Variants in MYO1B observed in about 807,000 individuals in gnomAD.
The protein encoded by MYO1B is unconventional myosin-Ib.
A neutral mutation model predicts 159.7 loss-of-function variants in MYO1B; 72 were observed. The observed-to-expected ratio is 0.45, with a 90% CI of 0.37 to 0.55. The LOEUF is 0.55. Among genes scored for constraint, MYO1B ranks in the 20% least tolerant of loss-of-function variants. The pLI, the probability that MYO1B is intolerant of heterozygous loss-of-function variation, is 0.00. For missense variants in MYO1B, 1,062 were observed against 1,364.8 expected, an observed-to-expected ratio of 0.78 and a Z score of 3.50; for synonymous variants, 468 against 473.8, an observed-to-expected ratio of 0.99 and a Z score of 0.16.
chr2:191,414,681 A>G lies in MYO1B; in HGVS notation c.3159+12A>G. 1.2e-6 allele frequency: 2 copies of G among 1,600,378 alleles called. No individual in the cohort carries two copies. Among genetic ancestry groups the G allele is most frequent in the Admixed American group, 3.5e-5 (2 of 56,846 alleles). On this transcript the variant is annotated intron_variant, in intron 29 of 30. Coordinates refer to ENST00000392318, the MANE Select transcript of MYO1B (RefSeq NM_001130158.3). ...TCCACCTCAAAGAGGTAAAGGTTCAACAGAAGATTTCTGTGCTTAATCTCT... is the reference window on the plus strand; with the variant it reads ...TCCACCTCAAAGAGGTAAAGGTTCAGCAGAAGATTTCTGTGCTTAATCTCT...
At chr2:191,305,168 A>T (rs1466599183) in intron 3 of MYO1B, among the ~76,000 whole-genome samples, 6 of 152,170 alleles carry the variant, frequency 3.9e-5, no homozygotes, top group Non-Finnish European at 7.4e-5. Flanking sequence ...GGGAGGTGGG[A>T]GGGGTGCTGG....
rs1273575328 is a variant in MYO1B, at chr2:191,341,526, G to A, written c.412G>A (p.Val138Ile). The part of the protein sequence containing the change: ...VCGKGAEVNQ[V>I]KEQLLQSNPV... The stretch of plus-strand genomic sequence containing the variant: ...TGGAAAAGGAGCAGAAGTTAATCAA[G>A]TTAAAGAACAGCTTTTACAGTCCAA... The change falls in exon 5 of 31, where the codon GTT becomes ATT. Residue 138 changes from valine to isoleucine, a missense_variant. Physicochemically the swap from Val to Ile is conservative, Grantham distance 29 (BLOSUM62 3). Coordinates refer to ENST00000392318, the MANE Select transcript of MYO1B (RefSeq NM_001130158.3). 1.9e-6 allele frequency: 3 copies of A among 1,613,896 alleles called. No individual in the cohort carries two copies. The highest frequency in any genetic ancestry group is 2.5e-6 in the Non-Finnish European group (3 of 1,179,962).
intron 16 of MYO1B, 110 bp from the exon 17 acceptor site, chr2:191,387,114 G>A: frequency 1.8e-6 from 2 of 1,081,240 alleles, no homozygotes; most frequent in South Asian, 1.6e-5. Context: ...GGGATTTTTT[G>A]ATGGTGAAGG....
At chr2:191,332,837 C>T (rs556975500) in intron 4 of MYO1B, among the ~76,000 whole-genome samples, 3 of 152,220 alleles carry the variant, frequency 2.0e-5, no homozygotes, top group Admixed American at 6.5e-5. Flanking sequence ...TGATTCTTTC[C>T]GAGTGCCACA....
intron 13 of MYO1B, among the ~76,000 whole-genome samples, chr2:191,373,652 G>A (rs1694516294): frequency 6.6e-6 from 1 of 152,216 alleles, no homozygotes; most frequent in South Asian, 2.1e-4. Flanking sequence ...GCTTGCGCCT[G>A]TAGTCCCAGC....
Position 191,360,642 on chromosome 2 carries a change from A to G in MYO1B, c.574A>G (p.Lys192Glu). Residue 192 changes from lysine (K) to glutamate (E), a missense_variant, in exon 8 of 31, where the codon AAA becomes GAA. Coordinates refer to ENST00000392318, the MANE Select transcript of MYO1B (RefSeq NM_001130158.3). ...GGVISNYLLE[K>E]SRVVKQPRGE... is the part of the protein sequence containing the mutation. ...ACTCTTCTCTTTAGATCTTTTAGAG[A>G]AATCTCGGGTTGTTAAACAGCCAAG... 6.2e-7 allele frequency: 1 copy of G among 1,609,562 alleles called. No homozygotes were observed. The highest frequency in any genetic ancestry group is 8.5e-7 in the Non-Finnish European group (1 of 1,176,722).
chr2:191,364,907 C>T (rs1453903416), intron 11 of MYO1B, among the ~76,000 whole-genome samples: 4 of 152,282 alleles, frequency 2.6e-5, no homozygotes, highest in South Asian at 4.1e-4. Flanking sequence ...TTGGCCCAAG[C>T]AACTGGAAAC....
chr2:191,255,311 G>A (rs557644049), intron 1 of MYO1B, among the ~76,000 whole-genome samples: 1 of 152,318 alleles, frequency 6.6e-6, no homozygotes, highest in East Asian at 1.9e-4. Flanking sequence ...TGTGGAAATG[G>A]ACACGGATAA....
chr2:191,322,776 A>G (rs1574425110), intron 3 of MYO1B, among the ~76,000 whole-genome samples: 1 of 152,292 alleles, frequency 6.6e-6, no homozygotes, highest in Non-Finnish European at 1.5e-5. Context: ...TGGGTGTTAC[A>G]GGAAAGGGGT....
At chr2:191,277,060 T>A in intron 2 of MYO1B, 30 bp downstream of exon 2, 2 of 1,598,522 alleles carry the variant, frequency 1.3e-6, no homozygotes, top group Non-Finnish European at 1.7e-6. Flanking sequence ...ATCTGTAATG[T>A]TTAGACTTTG....
chr2:191,265,723 A>T (rs897072832), intron 1 of MYO1B, among the ~76,000 whole-genome samples: 2 of 152,200 alleles, frequency 1.3e-5, no homozygotes, highest in Admixed American at 1.3e-4. Flanking sequence ...CGCATTGAAA[A>T]GTCCGTGCGT....
intron 4 of MYO1B, among the ~76,000 whole-genome samples, chr2:191,332,479 T>C (rs771327830): frequency 2.0e-5 from 3 of 152,172 alleles, no homozygotes; most frequent in Non-Finnish European, 4.4e-5. Flanking sequence ...TGGTCCATTG[T>C]TACAACCTCT....
At chr2:191,392,776 G>A (rs1695834750) in intron 19 of MYO1B, among the ~76,000 whole-genome samples, 1 of 152,078 alleles carries the variant, frequency 6.6e-6, no homozygotes, top group African/African-American at 2.4e-5. Flanking sequence ...CCTTCCATTA[G>A]TAATTTGCAT....
chr2:191,291,436 TC>T (rs1688679454), intron 2 of MYO1B, among the ~76,000 whole-genome samples: 1 of 151,548 alleles, frequency 6.6e-6, no homozygotes, highest in Admixed American at 6.5e-5. Context: ...TGTTTTCTTC[TC>T]CCTCTTCCCT....
At chr2:191,416,491 A>G in intron 30 of MYO1B, 1 of 468,476 alleles carries the variant, frequency 2.1e-6, no homozygotes, top group Non-Finnish European at 3.8e-6. Flanking sequence ...TTTGGCTAAC[A>G]AGTGTTTATG....
chr2:191,315,716 A>G (rs1690304065), intron 3 of MYO1B, among the ~76,000 whole-genome samples: 1 of 152,264 alleles, frequency 6.6e-6, no homozygotes, highest in Non-Finnish European at 1.5e-5. Context: ...AACACCTCCC[A>G]AAACTTAGTA....
chr2:191,408,254 C>G, intron 25 of MYO1B, 65 bp downstream of exon 25: 1 of 1,184,884 alleles, frequency 8.4e-7, no homozygotes, highest in South Asian at 1.3e-5. Flanking sequence ...ATATCACCAA[C>G]TCCATAAAAT....
chr2:191,281,453 C>G (rs2125760367), intron 2 of MYO1B, among the ~76,000 whole-genome samples: 1 of 152,296 alleles, frequency 6.6e-6, no homozygotes, highest in Middle Eastern at 3.4e-3. Flanking sequence ...TTTGGTCTGA[C>G]AGGCTCCGTG....
chr2:191,287,864 G>A (rs1688470962), intron 2 of MYO1B, among the ~76,000 whole-genome samples: 1 of 116,814 alleles, frequency 8.6e-6, no homozygotes, highest in South Asian at 2.7e-4. Context: ...TTTGATCTCA[G>A]TCTTTTTTTT....
Sources: allele counts gnomAD v4.1 joint callset (sites outside exome capture counted in the v4.1 genomes callset), GRCh38; gene constraint gnomAD v4.1.1; transcripts MANE v1.5; gene names NCBI Gene and HGNC (gene_info 2026-07-23, HGNC 2026-07-21).